Variants in ADAM12 observed in about 807,000 individuals in gnomAD.
ADAM12 encodes ADAM metallopeptidase domain 12.
A neutral mutation model predicts 106.4 loss-of-function variants in ADAM12; 70 were observed. That is an observed-to-expected ratio of 0.66 (90% CI 0.54 to 0.80). The LOEUF is 0.80. ADAM12 is among the 30% of genes least tolerant of loss of function. ADAM12 has a pLI of 0.00. For synonymous variants in ADAM12, 420 were observed against 433.5 expected, an observed-to-expected ratio of 0.97 and a Z score of 0.39; for missense variants, 1,010 against 1,171.9, an observed-to-expected ratio of 0.86 and a Z score of 2.02.
chr10:126,082,275 G>T (rs1361661602), intron 11 of ADAM12, among the ~76,000 whole-genome samples: 2 of 150,818 alleles, frequency 1.3e-5, no homozygotes, highest in African/African-American at 4.9e-5. Flanking sequence ...CCATTTCCTG[G>T]CCACAGCCAA....
At chr10:126,099,074 G>A (rs1955610275) in intron 9 of ADAM12, among the ~76,000 whole-genome samples, 10 of 152,180 alleles carry the variant, frequency 6.6e-5, no homozygotes, top group Admixed American at 6.5e-4. Context: ...GGAAGCTTCT[G>A]GAAGGGGACT....
chr10:126,114,557 A>G (rs1955945405), intron 6 of ADAM12, among the ~76,000 whole-genome samples: 1 of 152,118 alleles, frequency 6.6e-6, no homozygotes, highest in Non-Finnish European at 1.5e-5. Context: ...TCAGCTCACT[A>G]CAACCTCTGC....
chr10:126,225,957 C>G (rs968099337), intron 3 of ADAM12, among the ~76,000 whole-genome samples: 1 of 152,002 alleles, frequency 6.6e-6, no homozygotes, highest in Non-Finnish European at 1.5e-5. Context: ...AATGGGAGTG[C>G]GGAGCAAAGT....
chr10:126,157,847 G>A (rs570161524), intron 3 of ADAM12, among the ~76,000 whole-genome samples: 9 of 151,930 alleles, frequency 5.9e-5, no homozygotes, highest in East Asian at 3.9e-4. Flanking sequence ...ACGCAGTCAT[G>A]AGCAAAGGAG....
intron 3 of ADAM12, among the ~76,000 whole-genome samples, chr10:126,195,441 G>T (rs918001469): frequency 3.3e-5 from 5 of 152,082 alleles, no homozygotes; most frequent in African/African-American, 7.2e-5. Flanking sequence ...CAGGTGTGGT[G>T]GTGTGTGCTT....
chr10:126,086,704 T>TATAA (rs1554966990), intron 11 of ADAM12, among the ~76,000 whole-genome samples: 233 of 62,998 alleles, frequency 3.7e-3, no homozygotes, highest in Non-Finnish European at 6.2e-3. Flanking sequence ...TATATATATA[T>TATAA]ATAAAATAAA....
intron 3 of ADAM12, among the ~76,000 whole-genome samples, chr10:126,162,269 C>T (rs529733254): frequency 2.0e-5 from 3 of 152,122 alleles, no homozygotes; most frequent in East Asian, 3.9e-4. Context: ...GAAGAATGAG[C>T]TGCGCTGGTG....
At chr10:126,092,788 A>T (rs543834481) in intron 11 of ADAM12, among the ~76,000 whole-genome samples, 1 of 152,318 alleles carries the variant, frequency 6.6e-6, no homozygotes, top group Admixed American at 6.5e-5. Flanking sequence ...TGCTGTAAGA[A>T]GATGCCTCCT....
chr10:126,331,093 C>T (rs1854495073), intron 1 of ADAM12, among the ~76,000 whole-genome samples: 1 of 152,208 alleles, frequency 6.6e-6, no homozygotes, highest in Non-Finnish European at 1.5e-5. Flanking sequence ...ATTATATGAT[C>T]TTGTTTCTTG....
At chr10:126,302,848 A>G (rs1960683459) in intron 2 of ADAM12, among the ~76,000 whole-genome samples, 1 of 152,246 alleles carries the variant, frequency 6.6e-6, no homozygotes, top group Non-Finnish European at 1.5e-5. Flanking sequence ...TTTTTGAGGC[A>G]TAATGCAGTA....
chr10:126,337,511 A>T (rs1465634896), intron 1 of ADAM12, among the ~76,000 whole-genome samples: 1 of 152,074 alleles, frequency 6.6e-6, no homozygotes, highest in African/African-American at 2.4e-5. Flanking sequence ...AGCAAGCCAG[A>T]TCATCCCACC....
intron 4 of ADAM12, among the ~76,000 whole-genome samples, chr10:126,153,374 G>A (rs1260556621): frequency 2.6e-5 from 4 of 152,162 alleles, no homozygotes. Flanking sequence ...CTGTCCTGGA[G>A]TATGTTTAGT....
chr10:126,094,354 G>A (rs1955517870), intron 10 of ADAM12, among the ~76,000 whole-genome samples: 1 of 152,156 alleles, frequency 6.6e-6, no homozygotes, highest in Non-Finnish European at 1.5e-5. Context: ...AGGAATGTCT[G>A]TATGCCGCAC....
In ADAM12 at chr10:126,049,110, T is replaced by C; in HGVS notation, c.1917+143A>G. On this transcript the variant is annotated intron_variant, in intron 16 of 22. Transcript: ENST00000448723. The surrounding 1 kb of genome is among the most constrained non-coding windows in gnomAD (Gnocchi z 4.4). ...TTAATAGTCAGACCAGGATCTAGGA[T>C]TTATTGACTTTTTCTTCTAGGTGCA... 1 of 1,082,960 alleles carries C rather than the reference T, an allele frequency of 9.2e-7. No homozygotes were observed. The highest frequency in any genetic ancestry group is 1.4e-6 in the Non-Finnish European group (1 of 740,022). 67.1% of individuals were successfully genotyped at this position (1,082,960 alleles called of 1,614,324 possible).
At chr10:126,101,034 T>TC in intron 9 of ADAM12, 38 bp downstream of exon 9, 1 of 1,606,028 alleles carries the variant, frequency 6.2e-7, no homozygotes, top group Non-Finnish European at 8.5e-7. Context: ...CCGAGAGCAC[T>TC]CCTTTTTTTT....
rs768391736 is a variant in ADAM12, at chr10:126,066,034, GGA to G, written c.1413+681_1413+682del. On this transcript the variant is annotated intron_variant, in intron 13 of 22. Coordinates refer to ENST00000448723, the MANE Select transcript of ADAM12 (RefSeq NM_001288973.2). This position sits in a 1 kb window ranked among gnomAD's most constrained non-coding sequence, Gnocchi z 5.1. Reference sequence around the variant, plus strand: ...CGTGCTCACGTGGGGCAGCTAAGAGGGAGTTTCCTGCAAGCAGAATGTCAGGA... The same window carrying G: ...CGTGCTCACGTGGGGCAGCTAAGAGGGTTTCCTGCAAGCAGAATGTCAGGA... Among the ~76,000 whole-genome samples the G allele has an allele frequency of 6.6e-6, 1 of 152,104 alleles. No homozygotes were observed. Among genetic ancestry groups the G allele is most frequent in the Non-Finnish European group, 1.5e-5 (1 of 68,024 alleles).
At chr10:126,100,871 T>A (rs1312714713) in intron 9 of ADAM12, among the ~76,000 whole-genome samples, 2 of 152,102 alleles carry the variant, frequency 1.3e-5, no homozygotes, top group Admixed American at 1.3e-4. Context: ...TTCCAGGGTG[T>A]TCAGAGGGAG....
At chr10:126,164,365 T>C (rs940024049) in intron 3 of ADAM12, among the ~76,000 whole-genome samples, 9 of 152,228 alleles carry the variant, frequency 5.9e-5, no homozygotes, top group African/African-American at 2.2e-4. Flanking sequence ...TGATTTCTTC[T>C]TCCTGGTGGA....
chr10:126,061,388 A>G (rs1487300734), intron 14 of ADAM12, among the ~76,000 whole-genome samples: 1 of 152,234 alleles, frequency 6.6e-6, no homozygotes, highest in Non-Finnish European at 1.5e-5. Flanking sequence ...AACAAGGTTG[A>G]GCAATTTGCA....
Sources: gnomAD v4.1 joint callset for allele counts (sites outside exome capture counted in the v4.1 genomes callset) on GRCh38, gnomAD v4.1.1 for gene constraint, Gnocchi (gnomAD v3.1) non-coding constraint, MANE v1.5 for transcripts, NCBI Gene and HGNC (gene_info 2026-07-23, HGNC 2026-07-21) for gene names.